Variants in RAD9B observed in about 807,000 individuals in gnomAD.
RAD9B encodes RAD9 checkpoint clamp component B.
A neutral mutation model predicts 48.3 loss-of-function variants in RAD9B; 41 were observed. That is an observed-to-expected ratio of 0.85 (90% CI 0.66 to 1.10). RAD9B has a LOEUF of 1.10. RAD9B is among the 50% of genes least tolerant of loss of function. RAD9B has a pLI of 0.00. For synonymous variants in RAD9B, 160 were observed against 157.9 expected (o/e 1.01, Z -0.10); for missense variants, 444 against 485.1 (o/e 0.92, Z 0.80).
intron 5 of RAD9B, among the ~76,000 whole-genome samples, chr12:110,514,108 AT>A (rs890046261): frequency 2.0e-5 from 3 of 149,068 alleles, no homozygotes; most frequent in African/African-American, 7.4e-5. Flanking sequence ...TCATGTTGTC[AT>A]TTTTTTTGTA....
At chr12:110,512,932 A>C in intron 5 of RAD9B, 54 bp downstream of exon 5, 1 of 861,206 alleles carries the variant, frequency 1.2e-6, no homozygotes, top group South Asian at 1.5e-5. Flanking sequence ...ATGATCATGG[A>C]GTGAAGAATC....
chr12:110,533,064 A>G lies in RAD9B; in HGVS notation c.*2411A>G, dbSNP rs2064178030. Among the ~76,000 whole-genome samples, 1 of 152,184 alleles carries G rather than the reference A, an allele frequency of 6.6e-6. No homozygotes were observed. The highest frequency in any genetic ancestry group is 2.4e-5 in the African/African-American group (1 of 41,436). ...ATTTAATTGTCCGTCCATTTTGATG[A>G]ATTTCTGAGGAAGCTAAACTGATGT... On this transcript the variant is annotated 3_prime_UTR_variant, in exon 11 of 11. Coordinates refer to ENST00000409300, the MANE Select transcript of RAD9B (RefSeq NM_001286535.2).
chr12:110,525,012 G>A (rs1338877352), intron 10 of RAD9B, among the ~76,000 whole-genome samples: 2 of 151,486 alleles, frequency 1.3e-5, no homozygotes, highest in African/African-American at 2.4e-5. Context: ...TTTTTTAGAC[G>A]GAGTTTCATT....
At position 110,531,078 on chromosome 12, in the gene RAD9B, G is replaced by C; in HGVS notation, c.*425G>C. 1.0e-6 allele frequency: 1 copy of C among 996,392 alleles called. No homozygotes were observed. Among genetic ancestry groups the C allele is most frequent in the South Asian group, 4.5e-5 (1 of 22,128 alleles). 61.7% of individuals were successfully genotyped at this position (996,392 alleles called of 1,614,324 possible). Reference sequence around the variant, plus strand: ...CTTTTGTATTTGATTGCAAACATTTGGATTTTAGTTTTCTCATGTAATACC... The same window carrying C: ...CTTTTGTATTTGATTGCAAACATTTCGATTTTAGTTTTCTCATGTAATACC... On this transcript the variant is annotated 3_prime_UTR_variant, in exon 11 of 11. Coordinates refer to ENST00000409300, the MANE Select transcript of RAD9B (RefSeq NM_001286535.2).
intron 4 of RAD9B, among the ~76,000 whole-genome samples, chr12:110,508,867 TC>T (rs2063371156): frequency 1.3e-5 from 2 of 152,160 alleles, no homozygotes; most frequent in Admixed American, 1.3e-4. Flanking sequence ...TGATCTTGGC[TC>T]ACTGCAGCCT....
At chr12:110,527,349 G>T (rs1309627113) in intron 10 of RAD9B, among the ~76,000 whole-genome samples, 1 of 152,120 alleles carries the variant, frequency 6.6e-6, no homozygotes, top group East Asian at 1.9e-4. Flanking sequence ...AATTCCAACT[G>T]CTACCTTAAT....
At chr12:110,518,192 A>G (rs1018685281) in intron 6 of RAD9B, among the ~76,000 whole-genome samples, 1 of 139,568 alleles carries the variant, frequency 7.2e-6, no homozygotes, top group Non-Finnish European at 1.6e-5. Flanking sequence ...CTCCGTCTCA[A>G]AAGAAAAAAA....
chr12:110,532,939 A>C lies in RAD9B; in HGVS notation c.*2286A>C, dbSNP rs1234880587. On this transcript the variant is annotated 3_prime_UTR_variant, in exon 11 of 11. Transcript: ENST00000409300. ...ATGCATCTGTCAGAACATCTCTGTTAAACAACACGACTGACTGTACAGCAG... is the reference window on the plus strand; with the variant it reads ...ATGCATCTGTCAGAACATCTCTGTTCAACAACACGACTGACTGTACAGCAG... Among the ~76,000 whole-genome samples, 1 of 152,254 alleles carries C rather than the reference A, an allele frequency of 6.6e-6. No individual in the cohort carries two copies. Among genetic ancestry groups the C allele is most frequent in the South Asian group, 2.1e-4 (1 of 4,836 alleles).
At chr12:110,520,639 T>G (rs2063754616) in intron 9 of RAD9B, among the ~76,000 whole-genome samples, 1 of 147,864 alleles carries the variant, frequency 6.8e-6, no homozygotes, top group Non-Finnish European at 1.5e-5. Context: ...TTTTTTTTTT[T>G]TTTTTTTGTT....
Position 110,531,025 on chromosome 12 carries a change from T to C in RAD9B, c.*372T>C. 2 of 1,005,910 alleles carry C rather than the reference T, an allele frequency of 2.0e-6. No individual in the cohort carries two copies. The highest frequency in any genetic ancestry group is 2.4e-6 in the Non-Finnish European group (2 of 843,560). 62.3% of individuals were successfully genotyped at this position (1,005,910 alleles called of 1,614,324 possible). ...AGAGTGCCATCAAGATGGCTTGAAATGGAATTTTGTGATTTGTAGTCAGGT... is the reference window on the plus strand; with the variant it reads ...AGAGTGCCATCAAGATGGCTTGAAACGGAATTTTGTGATTTGTAGTCAGGT... On this transcript the variant is annotated 3_prime_UTR_variant, in exon 11 of 11. Transcript: ENST00000409300.
chr12:110,511,146 C>A (rs1565883526), intron 4 of RAD9B, among the ~76,000 whole-genome samples: 1 of 151,994 alleles, frequency 6.6e-6, no homozygotes, highest in Non-Finnish European at 1.5e-5. Flanking sequence ...ATTTTACACG[C>A]AATTTAAGAA....
intron 10 of RAD9B, among the ~76,000 whole-genome samples, chr12:110,524,557 G>A (rs897977759): frequency 7.9e-5 from 12 of 151,986 alleles, no homozygotes; most frequent in South Asian, 2.1e-4. Context: ...GCAAGACTCC[G>A]TCTCAAAAAG....
At chr12:110,530,267 G>A (rs989864766) in intron 10 of RAD9B, among the ~76,000 whole-genome samples, 8 of 152,020 alleles carry the variant, frequency 5.3e-5, no homozygotes, top group Non-Finnish European at 7.4e-5. Flanking sequence ...GGATGGTCTC[G>A]ATCTCCTGAC....
intron 10 of RAD9B, among the ~76,000 whole-genome samples, chr12:110,530,106 G>A (rs932074043): frequency 5.3e-5 from 8 of 152,056 alleles, no homozygotes; most frequent in Admixed American, 3.3e-4. Flanking sequence ...GCAGTGGCAC[G>A]ATCTCGGCTC....
intron 4 of RAD9B, among the ~76,000 whole-genome samples, chr12:110,510,336 C>CA (rs1276446854): frequency 7.2e-5 from 11 of 151,944 alleles, no homozygotes; most frequent in South Asian, 6.2e-4. Flanking sequence ...TGGTAGATCA[C>CA]AAAAAAAATT....
At chr12:110,503,566 T>C (rs1477037302) in intron 1 of RAD9B, 4 of 484,340 alleles carry the variant, frequency 8.3e-6, no homozygotes, top group East Asian at 3.7e-5. Flanking sequence ...TGTAAACATA[T>C]AGAAGGACAA....
chr12:110,502,418 A>G, intron 1 of RAD9B, 35 bp downstream of exon 1: 4 of 1,610,040 alleles, frequency 2.5e-6, no homozygotes, highest in Non-Finnish European at 3.4e-6. Context: ...CATTTAGCAG[A>G]GAGAAAAGCA....
intron 9 of RAD9B, 27 bp from the exon 10 acceptor site, chr12:110,522,150 T>C (rs1593098599): frequency 7.1e-7 from 1 of 1,410,488 alleles, no homozygotes; most frequent in Non-Finnish European, 9.8e-7. Flanking sequence ...AAACAGTTCA[T>C]TCATTTAATG....
chr12:110,518,386 A>AT (rs1458620276), intron 6 of RAD9B, among the ~76,000 whole-genome samples: 1 of 152,172 alleles, frequency 6.6e-6, no homozygotes, highest in Non-Finnish European at 1.5e-5. Context: ...CAAAAAATTT[A>AT]TTAATTAACT....
Sources: allele counts gnomAD v4.1 joint callset (sites outside exome capture counted in the v4.1 genomes callset), GRCh38; gene constraint gnomAD v4.1.1; transcripts MANE v1.5; gene names NCBI Gene and HGNC (gene_info 2026-07-23, HGNC 2026-07-21).